Variants in TBC1D30 observed in about 807,000 individuals in gnomAD.
The protein encoded by TBC1D30 is TBC1 domain family member 30.
In TBC1D30, 31 loss-of-function variants were observed where a neutral mutation model predicts 63.2. The ratio of observed to expected loss-of-function variants is 0.49; its 90% confidence interval spans 0.37 to 0.66. TBC1D30 has a LOEUF of 0.66. TBC1D30 is among the 30% of genes least tolerant of loss of function. The probability of loss-of-function intolerance (pLI) is 0.00; values close to 1 mark genes in which losing one functional copy is unlikely to be tolerated. For synonymous variants in TBC1D30, 307 were observed against 361.5 expected (o/e 0.85, Z 1.71); for missense variants, 810 against 953.6 (o/e 0.85, Z 1.98).
At chr12:64,869,250 G>T (rs1005202945) in intron 10 of TBC1D30, among the ~76,000 whole-genome samples, 1 of 152,118 alleles carries the variant, frequency 6.6e-6, no homozygotes, top group African/African-American at 2.4e-5. Context: ...TGAAGTCATG[G>T]GGCTATCTTC....
At chr12:64,836,410 G>T in intron 5 of TBC1D30, 80 bp from the exon 6 acceptor site, 1 of 1,162,720 alleles carries the variant, frequency 8.6e-7, no homozygotes, top group Non-Finnish European at 1.2e-6. Context: ...TTATCTATTT[G>T]AATACTTATT....
intron 8 of TBC1D30, among the ~76,000 whole-genome samples, chr12:64,854,500 T>TTCTTTC (rs1423657634): frequency 2.8e-5 from 4 of 145,440 alleles, no homozygotes; most frequent in African/African-American, 1.0e-4. Context: ...TTTTCTTTCT[T>TTCTTTC]TTTTTTTTTT....
intron 5 of TBC1D30, among the ~76,000 whole-genome samples, chr12:64,836,228 G>A (rs953093299): frequency 1.3e-5 from 2 of 152,152 alleles, no homozygotes; most frequent in African/African-American, 4.8e-5. Context: ...CTTATGGGCC[G>A]AACTCAGGTC....
rs1304806280 is a variant in TBC1D30 at position 64,875,723 on chromosome 12, T to C, written c.2221T>C (p.Phe741Leu). 6.5e-7 allele frequency: 1 copy of C among 1,536,348 alleles called. No homozygotes were observed. Among genetic ancestry groups the C allele is most frequent in the Non-Finnish European group, 8.7e-7 (1 of 1,146,954 alleles). ...GPTERTPTVH[F>L]PQMSRSFSKP... ...TACAGAAAGAACCCCAACTGTGCAC[T>C]TTCCTCAAATGAGTAGGAGCTTCAG... Residue 741 changes from phenylalanine to leucine, a missense_variant, in exon 12 of 12, where the codon TTT becomes CTT. Phe to Leu is a conservative substitution (Grantham distance 22). Coordinates refer to ENST00000539867, the MANE Select transcript of TBC1D30 (RefSeq NM_015279.2).
rs1389395673 is a variant in TBC1D30, at chr12:64,827,844, C to T, written c.164C>T (p.Thr55Ile). The change falls in exon 2 of 12, where the codon ACC becomes ATC. Residue 55 changes from threonine to isoleucine, a missense_variant. Around this residue, in one of 4 missense-constraint regions of TBC1D30, gnomAD observed 272 missense variants for 335.9 expected, o/e 0.81. Transcript: ENST00000539867. ...LLCTLEPGVDTKLKFTLEPSL... is the reference protein window; with the variant it reads ...LLCTLEPGVDIKLKFTLEPSL... ...TGTATTTTTCTTTCAGGAGTTGATA[C>T]CAAGTTGAAATTCACTCTTGAGCCA... The T allele has an allele frequency of 5.2e-6, 8 of 1,532,694 alleles. 1 individual carries two copies. In the South Asian group the frequency reaches 8.4e-5, roughly 16 times the overall value. The allele number at this position is 1,532,694 out of a possible 1,614,324, so 94.9% of individuals were successfully genotyped here.
Position 64,818,024 on chromosome 12 carries a change from C to T in TBC1D30, c.644-9811C>T, listed in dbSNP as rs141389361. Among the ~76,000 whole-genome samples the T allele has an allele frequency of 8.8e-3, 1,317 of 150,356 alleles. 19 individuals carry two copies. The highest frequency in any genetic ancestry group is 0.031 in the African/African-American group (1,254 of 40,594). ...GTTGCAGTGAGCCGACATCCCTCCACTGTACTCCAGCCTGGGCAACAGAGT... is the reference window on the plus strand; with the variant it reads ...GTTGCAGTGAGCCGACATCCCTCCATTGTACTCCAGCCTGGGCAACAGAGT... On this transcript the variant is annotated intron_variant, in intron 2 of 12. Transcript: ENST00000542120.
chr12:64,869,515 T>A (rs1056874556), intron 10 of TBC1D30, among the ~76,000 whole-genome samples: 4 of 152,172 alleles, frequency 2.6e-5, no homozygotes, highest in African/African-American at 9.6e-5. Context: ...TCTACCCCCT[T>A]TCTTATTGCC....
intron 10 of TBC1D30, 74 bp downstream of exon 10, chr12:64,866,977 T>C (rs1878274237): frequency 2.0e-6 from 3 of 1,468,516 alleles, no homozygotes; most frequent in Non-Finnish European, 9.1e-7. Context: ...TTGTGTCCTA[T>C]AGATGCCCCA....
At chr12:64,771,771 G>A (rs910956529) in intron 1 of TBC1D30, among the ~76,000 whole-genome samples, 13 of 152,216 alleles carry the variant, frequency 8.5e-5, no homozygotes, top group Admixed American at 2.6e-4. Context: ...GTAACAGGAA[G>A]AGCTTTGGGT....
At chr12:64,849,720 T>G (rs1215274067) in intron 8 of TBC1D30, among the ~76,000 whole-genome samples, 1 of 152,186 alleles carries the variant, frequency 6.6e-6, no homozygotes, top group Non-Finnish European at 1.5e-5. Flanking sequence ...TGCCTCAAGC[T>G]TGTTCTTTTT....
chr12:64,796,815 A>G (rs946477179), intron 2 of TBC1D30, among the ~76,000 whole-genome samples: 2 of 152,162 alleles, frequency 1.3e-5, no homozygotes, highest in African/African-American at 2.4e-5. Flanking sequence ...TATCAAGATT[A>G]AGACCTCACG....
At chr12:64,830,173 A>G (rs1004909639) in intron 3 of TBC1D30, among the ~76,000 whole-genome samples, 1 of 152,202 alleles carries the variant, frequency 6.6e-6, no homozygotes, top group African/African-American at 2.4e-5. Context: ...ATATTTATTG[A>G]AAGAGTAAAT....
intron 8 of TBC1D30, among the ~76,000 whole-genome samples, chr12:64,856,993 G>A (rs1476260507): frequency 6.6e-6 from 1 of 152,034 alleles, no homozygotes; most frequent in Non-Finnish European, 1.5e-5. Flanking sequence ...TCAGGGCAGT[G>A]GGCTCCCCAC....
At chr12:64,811,541 C>T (rs561709968) in intron 2 of TBC1D30, among the ~76,000 whole-genome samples, 1 of 152,314 alleles carries the variant, frequency 6.6e-6, no homozygotes, top group East Asian at 1.9e-4. Context: ...GGATGAGTTA[C>T]AGGGTGGGTT....
At chr12:64,808,379 G>A (rs1264760314) in intron 2 of TBC1D30, among the ~76,000 whole-genome samples, 1 of 152,096 alleles carries the variant, frequency 6.6e-6, no homozygotes, top group Admixed American at 6.6e-5. Context: ...TCTATTTCCT[G>A]GTTTGCATCT....
At chr12:64,826,004 T>C (rs1362031745) in intron 1 of TBC1D30, among the ~76,000 whole-genome samples, 14 of 152,174 alleles carry the variant, frequency 9.2e-5, no homozygotes. Context: ...GTTTCTTTGT[T>C]GTTCTCCCCT....
intron 8 of TBC1D30, among the ~76,000 whole-genome samples, chr12:64,852,387 TA>T (rs1362372736): frequency 1.3e-5 from 2 of 152,154 alleles, no homozygotes; most frequent in Non-Finnish European, 2.9e-5. Context: ...CTGGTTATTC[TA>T]GTTAGCAATT....
intron 1 of TBC1D30, among the ~76,000 whole-genome samples, chr12:64,784,060 C>A (rs1871426936): frequency 1.3e-5 from 2 of 151,486 alleles, no homozygotes; most frequent in South Asian, 4.2e-4. Context: ...CATATTTAAT[C>A]ATATTTTCAT....
At chr12:64,856,502 T>C (rs1745313497) in intron 8 of TBC1D30, among the ~76,000 whole-genome samples, 1 of 135,562 alleles carries the variant, frequency 7.4e-6, no homozygotes, top group Admixed American at 6.6e-5. Flanking sequence ...AGGCAGAGAC[T>C]CATTCTTTTC....
Sources: gnomAD v4.1 joint callset for allele counts (sites outside exome capture counted in the v4.1 genomes callset) on GRCh38, gnomAD v4.1.1 for gene constraint, gnomAD v4.1.1 regional missense constraint, MANE v1.5 for transcripts, NCBI Gene and HGNC (gene_info 2026-07-23, HGNC 2026-07-21) for gene names.